UBR3: variants seen among roughly 807,000 people sequenced by gnomAD.
The protein encoded by UBR3 is ubiquitin protein ligase E3 component n-recognin 3.
UBR3 carries 85 observed loss-of-function variants against 243.2 expected under a neutral mutation model. That is an observed-to-expected ratio of 0.35 (90% CI 0.29 to 0.42). UBR3 has a LOEUF of 0.42. Ranked by LOEUF, UBR3 falls within the 10% of genes least tolerant of loss-of-function variation. The probability of loss-of-function intolerance (pLI) is 1.00; values close to 1 mark genes in which losing one functional copy is unlikely to be tolerated. For synonymous variants in UBR3, 748 were observed against 799.8 expected (o/e 0.94, Z 1.09); for missense variants, 1,686 against 2,300.8 (o/e 0.73, Z 5.47).
At chr2:170,002,058 C>A (rs1402243479) in intron 27 of UBR3, among the ~76,000 whole-genome samples, 2 of 151,766 alleles carry the variant, frequency 1.3e-5, no homozygotes, top group Non-Finnish European at 2.9e-5. Flanking sequence ...ATGATTCTCA[C>A]ATAAGTTCTC....
At chr2:170,074,404 G>A (rs75257131) in intron 36 of UBR3, among the ~76,000 whole-genome samples, 6,119 of 152,026 alleles carry the variant, frequency 0.04, 175 homozygotes, top group East Asian at 0.1. Context: ...AGGAACATGC[G>A]GCTGCTTAAA....
At chr2:170,078,810 A>G (rs557575906) in intron 36 of UBR3, among the ~76,000 whole-genome samples, 10 of 152,306 alleles carry the variant, frequency 6.6e-5, no homozygotes, top group African/African-American at 2.4e-4. Flanking sequence ...GTGAGGACAA[A>G]TTGTTATCCC....
At chr2:169,858,844 C>G (rs1439768822) in intron 1 of UBR3, among the ~76,000 whole-genome samples, 3 of 152,150 alleles carry the variant, frequency 2.0e-5, no homozygotes, top group Non-Finnish European at 4.4e-5. Context: ...AAGTGATCCA[C>G]TCACCTTGGC....
intron 30 of UBR3, among the ~76,000 whole-genome samples, chr2:170,015,731 A>T (rs1338136892): frequency 6.6e-6 from 1 of 151,902 alleles, no homozygotes; most frequent in Non-Finnish European, 1.5e-5. Context: ...GATTTCTATT[A>T]TATTATTGCT....
At chr2:169,889,510 A>G (rs2084242658) in intron 5 of UBR3, among the ~76,000 whole-genome samples, 1 of 152,120 alleles carries the variant, frequency 6.6e-6, no homozygotes, top group Non-Finnish European at 1.5e-5. Flanking sequence ...TGGGCCCTGT[A>G]GTATGCTTTT....
chr2:169,835,137 TA>T (rs61055419), intron 1 of UBR3, among the ~76,000 whole-genome samples: 150,125 of 152,268 alleles, frequency 0.99, 74,033 homozygotes, highest in East Asian at 1. Flanking sequence ...TTAATGCCAC[TA>T]AAACTGTACA....
intron 35 of UBR3, among the ~76,000 whole-genome samples, chr2:170,069,075 T>A (rs1392290805): frequency 6.6e-6 from 1 of 152,274 alleles, no homozygotes; most frequent in South Asian, 2.1e-4. Context: ...GTACCAATAC[T>A]CCTGAACCTA....
intron 1 of UBR3, among the ~76,000 whole-genome samples, chr2:169,851,239 C>T (rs2082646014): frequency 6.6e-6 from 1 of 152,170 alleles, no homozygotes; most frequent in Non-Finnish European, 1.5e-5. Flanking sequence ...ATTATCTCAC[C>T]TCAGCCTCCT....
At position 170,033,577 on chromosome 2, in the gene UBR3, A is replaced by AC. The variant is rs1250645725; in HGVS notation, c.4556+4132dup. ...CGGAAAATTTGATTGGTTTTTCCAC[A>AC]CCCACCCCCCCCCCCCCCAATATTT... is the stretch of plus-strand genomic sequence containing the variant. On this transcript the variant is annotated intron_variant, in intron 31 of 38. Coordinates refer to ENST00000272793, the MANE Select transcript of UBR3 (RefSeq NM_172070.4). Among the ~76,000 whole-genome samples the AC allele has an allele frequency of 8.2e-3, 323 of 39,434 alleles. 7 individuals are homozygous for AC. The highest frequency in any genetic ancestry group is 0.01 in the African/African-American group (67 of 6,670). The allele number at this position is 39,434 out of a possible 152,430, so 25.9% of individuals were successfully genotyped here.
intron 32 of UBR3, among the ~76,000 whole-genome samples, chr2:170,043,536 A>G (rs935806382): frequency 9.2e-5 from 14 of 152,224 alleles, no homozygotes; most frequent in Non-Finnish European, 1.9e-4. Flanking sequence ...GTAAAAATGT[A>G]TAATATTGTT....
chr2:169,975,558 C>T (rs535053988), intron 24 of UBR3, among the ~76,000 whole-genome samples: 13 of 152,250 alleles, frequency 8.5e-5, no homozygotes, highest in Admixed American at 3.3e-4. Context: ...CTGTTGCCAA[C>T]GATTATTGTA....
intron 19 of UBR3, among the ~76,000 whole-genome samples, chr2:169,938,403 G>T (rs2086431379): frequency 1.3e-5 from 2 of 151,770 alleles, no homozygotes; most frequent in Non-Finnish European, 2.9e-5. Flanking sequence ...TGGGACTACA[G>T]ACATACGCCA....
intron 6 of UBR3, among the ~76,000 whole-genome samples, chr2:169,894,748 T>C (rs770339527): frequency 1.7e-4 from 26 of 152,288 alleles, no homozygotes; most frequent in Admixed American, 3.3e-4. Context: ...CCTTGAACAG[T>C]GATGTAGTTA....
At chr2:169,877,361 A>G (rs1033553896) in intron 3 of UBR3, 133 bp from the exon 4 acceptor site, 4 of 738,886 alleles carry the variant, frequency 5.4e-6, no homozygotes, top group East Asian at 2.9e-5. Context: ...ATTTGAAGCT[A>G]TCTTATATTA....
At chr2:169,921,140 G>T (rs1212182156) in intron 11 of UBR3, among the ~76,000 whole-genome samples, 1 of 152,160 alleles carries the variant, frequency 6.6e-6, no homozygotes, top group East Asian at 1.9e-4. Context: ...TAAATTACTG[G>T]GAATCTGGAG....
At chr2:170,055,907 A>G (rs1268434597) in intron 33 of UBR3, among the ~76,000 whole-genome samples, 5 of 151,392 alleles carry the variant, frequency 3.3e-5, no homozygotes, top group East Asian at 1.9e-4. Context: ...TATCTATTTT[A>G]TTCGCCACTT....
Position 170,081,967 on chromosome 2 carries a change from T to A in UBR3, c.*124T>A. The A allele has an allele frequency of 1.5e-6, 1 of 670,786 alleles. No individual in the cohort carries two copies. The highest frequency in any genetic ancestry group is 2.3e-6 in the Non-Finnish European group (1 of 431,660). The allele number at this position is 670,786 out of a possible 1,614,324, so 41.6% of individuals were successfully genotyped here. The stretch of plus-strand genomic sequence containing the variant: ...AGGGAGAAAAAGAAAACATACATTA[T>A]GAAGCCTTTCCAAAATTAGGTGCTT... On this transcript the variant is annotated 3_prime_UTR_variant, in exon 39 of 39. Coordinates refer to ENST00000272793, the MANE Select transcript of UBR3 (RefSeq NM_172070.4).
chr2:170,050,527 T>A (rs552385364), intron 32 of UBR3, among the ~76,000 whole-genome samples: 2 of 152,344 alleles, frequency 1.3e-5, no homozygotes, highest in East Asian at 3.9e-4. Flanking sequence ...GTAGTTTGCT[T>A]CTAAGGCATT....
chr2:169,861,302 T>C (rs944658411), intron 1 of UBR3, among the ~76,000 whole-genome samples: 1 of 152,186 alleles, frequency 6.6e-6, no homozygotes, highest in Non-Finnish European at 1.5e-5. Context: ...CCTTTTTTCC[T>C]ACTCGTCTTT....
Sources: gnomAD v4.1 joint callset for allele counts (sites outside exome capture counted in the v4.1 genomes callset) on GRCh38, gnomAD v4.1.1 for gene constraint, MANE v1.5 for transcripts, NCBI Gene and HGNC (gene_info 2026-07-23, HGNC 2026-07-21) for gene names.